Variants in PRMT7 observed in about 807,000 individuals in gnomAD.
PRMT7 encodes the protein protein arginine methyltransferase 7.
PRMT7 carries 75 observed loss-of-function variants against 85.4 expected under a neutral mutation model. The observed-to-expected ratio is 0.88, with a 90% CI of 0.73 to 1.06. The LOEUF is 1.06. PRMT7 is among the 50% of genes least tolerant of loss of function. PRMT7 has a pLI of 0.00. For missense variants in PRMT7, 868 were observed against 915.2 expected, an observed-to-expected ratio of 0.95 and a Z score of 0.67; for synonymous variants, 397 against 359.5, an observed-to-expected ratio of 1.10 and a Z score of -1.18.
chr16:68,324,991 A>G, intron 5 of PRMT7, 159 bp downstream of exon 5: 2 of 859,584 alleles, frequency 2.3e-6, no homozygotes, highest in Non-Finnish European at 1.7e-6. Context: ...AGTCAGACAC[A>G]GTTCCTTCCT....
At chr16:68,343,024 T>C (rs558818849) in intron 9 of PRMT7, among the ~76,000 whole-genome samples, 71 of 152,144 alleles carry the variant, frequency 4.7e-4, no homozygotes, top group African/African-American at 1.7e-3. Context: ...GGCTAACATG[T>C]TGAAACCCTG....
chr16:68,348,273 A>T, intron 13 of PRMT7, 69 bp from the exon 14 acceptor site: 1 of 1,287,878 alleles, frequency 7.8e-7, no homozygotes, highest in East Asian at 2.4e-5. Flanking sequence ...CAACTTTGAG[A>T]GATTTTTTTT....
At chr16:68,331,064 C>G (rs938218323) in intron 6 of PRMT7, among the ~76,000 whole-genome samples, 1 of 152,160 alleles carries the variant, frequency 6.6e-6, no homozygotes, top group Admixed American at 6.5e-5. Context: ...AATAGAACAT[C>G]TCCATCATGC....
At chr16:68,348,472 G>C (rs774045027) in intron 14 of PRMT7, 41 bp downstream of exon 14, 1 of 1,525,834 alleles carries the variant, frequency 6.6e-7, no homozygotes, top group African/African-American at 1.4e-5. Flanking sequence ...GGCTGTGTTA[G>C]GGTGGTCAGC....
chr16:68,324,506 C>G, intron 4 of PRMT7, 177 bp from the exon 5 acceptor site: 1 of 654,688 alleles, frequency 1.5e-6, no homozygotes, highest in African/African-American at 1.8e-5. Context: ...TAATAAAGGG[C>G]AAGGGGCTGA....
At chr16:68,342,390 T>G (rs2085678017) in intron 9 of PRMT7, among the ~76,000 whole-genome samples, 1 of 152,194 alleles carries the variant, frequency 6.6e-6, no homozygotes, top group Admixed American at 6.5e-5. Flanking sequence ...AAATGGGGGT[T>G]GGTTAGATGA....
At chr16:68,341,080 A>G (rs2085455092) in intron 9 of PRMT7, among the ~76,000 whole-genome samples, 1 of 152,236 alleles carries the variant, frequency 6.6e-6, no homozygotes, top group African/African-American at 2.4e-5. Context: ...AACTGACTGC[A>G]TCTGGGAATG....
At chr16:68,342,667 A>G (rs6499172) in intron 9 of PRMT7, among the ~76,000 whole-genome samples, 119,450 of 152,106 alleles carry the variant, frequency 0.79, 47,692 homozygotes, top group African/African-American at 0.94. Flanking sequence ...ACTGCTGGGG[A>G]ATTGCTGTCA....
At chr16:68,346,001 T>A (rs2086301507) in intron 10 of PRMT7, 144 bp from the exon 11 acceptor site, 1 of 1,376,668 alleles carries the variant, frequency 7.3e-7, no homozygotes, top group East Asian at 2.4e-5. Flanking sequence ...GGAATCTGTT[T>A]AGAGCAGATG....
Position 68,311,307 on chromosome 16 carries a change from C to T in PRMT7, c.-219+208C>T, listed in dbSNP as rs978278259. 3 of 327,096 alleles carry T rather than the reference C, an allele frequency of 9.2e-6. No individual in the cohort carries two copies. In the East Asian group the frequency reaches 2.9e-4, roughly 31 times the overall value. The allele number at this position is 327,096 out of a possible 1,614,324, so 20.3% of individuals were successfully genotyped here. On this transcript the variant is annotated intron_variant, in intron 1 of 18. Transcript: ENST00000441236. The stretch of plus-strand genomic sequence containing the variant: ...CTCTGCAGTGCAGCCGGGTGCCTGC[C>T]ACTCGCGGGGCTCTGTCGCAGTACT...
chr16:68,360,251 G>A (rs1370490913), downstream of PRMT7: 1 of 152,464 alleles, frequency 6.6e-6, no homozygotes, highest in Non-Finnish European at 1.5e-5. Context: ...GAAAGAAGAG[G>A]ATGTGTTGGT....
intron 14 of PRMT7, among the ~76,000 whole-genome samples, chr16:68,351,089 C>T (rs1026754203): frequency 6.6e-6 from 1 of 152,218 alleles, no homozygotes; most frequent in Non-Finnish European, 1.5e-5. Flanking sequence ...ATTCTGAAAG[C>T]CACTGTGTGG....
In PRMT7 at chr16:68,357,183, G is replaced by A. The variant is rs746215128; in HGVS notation, c.2038G>A (p.Asp680Asn). The change falls in exon 19 of 19, where the codon GAC becomes AAC. Residue 680 changes from aspartate to asparagine, a missense_variant. Physicochemically the swap from Asp to Asn is conservative, Grantham distance 23 (BLOSUM62 1). Transcript: ENST00000441236. Reference protein sequence around the residue: ...YAVEFHPDTGDIIMEFRHADT... With the variant: ...YAVEFHPDTGNIIMEFRHADT... ...AGTGGAGTTTCACCCCGACACAGGCGACATCATCATGGAGTTCAGGCATGC... is the reference window on the plus strand; with the variant it reads ...AGTGGAGTTTCACCCCGACACAGGCAACATCATCATGGAGTTCAGGCATGC... The A allele has an allele frequency of 2.2e-5, 35 of 1,613,942 alleles. No homozygotes were observed. The highest frequency in any genetic ancestry group is 2.8e-5 in the Non-Finnish European group (33 of 1,179,988).
chr16:68,349,918 G>T (rs749846468), intron 14 of PRMT7, among the ~76,000 whole-genome samples: 143 of 152,230 alleles, frequency 9.4e-4, no homozygotes, highest in Non-Finnish European at 1.2e-3. Flanking sequence ...AATGAAAAGA[G>T]AACATTTCTG....
intron 13 of PRMT7, among the ~76,000 whole-genome samples, 178 bp from the exon 14 acceptor site, chr16:68,348,164 C>T (rs1249072192): frequency 2.0e-5 from 3 of 152,230 alleles, no homozygotes; most frequent in East Asian, 3.9e-4. Context: ...TGATCTCATC[C>T]GTGGTCTATA....
At chr16:68,332,673 CCT>C (rs1300706051) in intron 6 of PRMT7, among the ~76,000 whole-genome samples, 2 of 152,142 alleles carry the variant, frequency 1.3e-5, no homozygotes, top group African/African-American at 4.8e-5. Context: ...TGTGTAATTT[CCT>C]CTCTGATTCT....
In PRMT7 at chr16:68,345,667, C is replaced by T. The variant is rs773989010; in HGVS notation, c.928-8C>T. Reference sequence around the variant, plus strand: ...CTCGTTGACAGCTGACTCTGTTCTCCGTTTCAGTGGCGGGACCACTGGATG... The same window carrying T: ...CTCGTTGACAGCTGACTCTGTTCTCTGTTTCAGTGGCGGGACCACTGGATG... On this transcript the variant is annotated splice_polypyrimidine_tract_variant and splice_region_variant and intron_variant, in intron 9 of 18. Transcript: ENST00000441236. 23 of 1,613,364 alleles carry T rather than the reference C, an allele frequency of 1.4e-5. No individual in the cohort carries two copies. Among genetic ancestry groups the T allele is most frequent in the Admixed American group, 1.7e-5 (1 of 59,992 alleles).
chr16:68,311,350 C>T (rs1268364241), intron 1 of PRMT7: 3 of 297,980 alleles, frequency 1.0e-5, no homozygotes, highest in South Asian at 5.7e-5. Flanking sequence ...GGCGCCTCCC[C>T]TCAGCCACAG....
At chr16:68,328,657 A>G (rs890513666) in intron 5 of PRMT7, 1 of 186,380 alleles carries the variant, frequency 5.4e-6, no homozygotes, top group Admixed American at 5.4e-5. Flanking sequence ...TTCTGCCAAC[A>G]GTGGGGATTT....
Sources: gnomAD v4.1 joint callset for allele counts (sites outside exome capture counted in the v4.1 genomes callset) on GRCh38, gnomAD v4.1.1 for gene constraint, MANE v1.5 for transcripts, NCBI Gene and HGNC (gene_info 2026-07-23, HGNC 2026-07-21) for gene names.